GALNTL6: variants seen among roughly 807,000 people sequenced by gnomAD.
GALNTL6 encodes polypeptide N-acetylgalactosaminyltransferase-like 6.
GALNTL6 carries 46 observed loss-of-function variants against 73.7 expected under a neutral mutation model. The ratio of observed to expected loss-of-function variants is 0.62; its 90% CI spans 0.49 to 0.80. The LOEUF (loss-of-function observed/expected upper bound fraction) is 0.80. GALNTL6 is among the 30% of genes least tolerant of loss of function. The pLI is 0.00. For missense variants in GALNTL6, 604 were observed against 755.0 expected, an observed-to-expected ratio of 0.80 and a Z score of 2.34; for synonymous variants, 259 against 263.7, an observed-to-expected ratio of 0.98 and a Z score of 0.17.
At chr4:172,606,556 T>C (rs577029560) in intron 5 of GALNTL6, among the ~76,000 whole-genome samples, 5 of 130,236 alleles carry the variant, frequency 3.8e-5, no homozygotes, top group African/African-American at 1.3e-4. Flanking sequence ...AGTGTATATA[T>C]ATATATATAC....
chr4:171,827,698 T>G (rs1734860880), intron 2 of GALNTL6, among the ~76,000 whole-genome samples: 1 of 152,172 alleles, frequency 6.6e-6, no homozygotes, highest in South Asian at 2.1e-4. Flanking sequence ...TTATCTTATC[T>G]TATCTAAAGG....
intron 3 of GALNTL6, among the ~76,000 whole-genome samples, chr4:172,239,647 T>C (rs955762042): frequency 6.6e-6 from 1 of 152,214 alleles, no homozygotes; most frequent in Admixed American, 6.5e-5. Context: ...GGTTTGCTTT[T>C]GTTTTTCTAT....
At chr4:172,423,874 A>G (rs1454378930) in intron 5 of GALNTL6, among the ~76,000 whole-genome samples, 3 of 152,092 alleles carry the variant, frequency 2.0e-5, no homozygotes, top group Admixed American at 1.3e-4. Context: ...TCTTACAATT[A>G]TAAAAAGCAA....
At chr4:172,276,481 T>C (rs1432612807) in intron 3 of GALNTL6, among the ~76,000 whole-genome samples, 1 of 152,240 alleles carries the variant, frequency 6.6e-6, no homozygotes, top group Non-Finnish European at 1.5e-5. Context: ...TTAACATTCA[T>C]CAATGATATG....
intron 2 of GALNTL6, among the ~76,000 whole-genome samples, chr4:171,915,032 A>T (rs1049827249): frequency 6.6e-6 from 1 of 152,118 alleles, no homozygotes; most frequent in Non-Finnish European, 1.5e-5. Flanking sequence ...TTTGTTATAA[A>T]GGGAATATGG....
intron 5 of GALNTL6, among the ~76,000 whole-genome samples, chr4:172,764,511 AATG>A (rs1160381519): frequency 1.3e-5 from 2 of 152,002 alleles, no homozygotes; most frequent in African/African-American, 4.8e-5. Context: ...TAAATATAAG[AATG>A]ATGAAATAAA....
intron 5 of GALNTL6, among the ~76,000 whole-genome samples, chr4:172,738,624 A>T (rs149875409): frequency 6.6e-6 from 1 of 152,196 alleles, no homozygotes; most frequent in Non-Finnish European, 1.5e-5. Flanking sequence ...CAAACTCTGT[A>T]AAATATTTGA....
intron 10 of GALNTL6, among the ~76,000 whole-genome samples, chr4:173,004,500 A>T (rs1257811507): frequency 6.6e-6 from 1 of 152,018 alleles, no homozygotes; most frequent in Non-Finnish European, 1.5e-5. Context: ...GTGGTGCATG[A>T]TTGTAATCCC....
Position 171,928,829 on chromosome 4 carries a change from C to G in GALNTL6, c.138+114111C>G, listed in dbSNP as rs561828859. Among the ~76,000 whole-genome samples the G allele has an allele frequency of 4.6e-5, 7 of 152,264 alleles. No individual in the cohort carries two copies. In the East Asian group the frequency reaches 1.2e-3, roughly 25 times the overall value. The stretch of plus-strand genomic sequence containing the variant: ...TATACCACAGAGCCTAGGTGTGTAG[C>G]AGGCTGCACATCTATACCATCTGGG... On this transcript the variant is annotated intron_variant, in intron 2 of 12. Transcript: ENST00000506823.
chr4:171,842,386 A>T (rs1735259983), intron 2 of GALNTL6, among the ~76,000 whole-genome samples: 1 of 152,162 alleles, frequency 6.6e-6, no homozygotes. Context: ...CTCAAAGTAG[A>T]CACAAAAAAT....
At chr4:172,609,413 G>A (rs1738428735) in intron 5 of GALNTL6, among the ~76,000 whole-genome samples, 1 of 151,982 alleles carries the variant, frequency 6.6e-6, no homozygotes, top group Non-Finnish European at 1.5e-5. Flanking sequence ...TGTGGTTTTG[G>A]TTTTAGTTTT....
chr4:171,914,134 C>T (rs988929686), intron 2 of GALNTL6, among the ~76,000 whole-genome samples: 1 of 152,086 alleles, frequency 6.6e-6, no homozygotes, highest in Non-Finnish European at 1.5e-5. Context: ...GAGCAGAGGA[C>T]TGTAAAGGTC....
At chr4:172,578,972 G>A (rs1737062275) in intron 5 of GALNTL6, among the ~76,000 whole-genome samples, 1 of 152,180 alleles carries the variant, frequency 6.6e-6, no homozygotes, top group Non-Finnish European at 1.5e-5. Context: ...TCATCAGGGA[G>A]GCTGCTGCTG....
chr4:172,806,110 ACTGATGATAC>A (rs1178765169), intron 5 of GALNTL6, among the ~76,000 whole-genome samples: 1 of 152,190 alleles, frequency 6.6e-6, no homozygotes, highest in Non-Finnish European at 1.5e-5. Flanking sequence ...TGCTAATTAG[ACTGATGATAC>A]CTGCCTTCAT....
chr4:172,074,574 A>C (rs897653519), intron 2 of GALNTL6, among the ~76,000 whole-genome samples: 1 of 152,066 alleles, frequency 6.6e-6, no homozygotes, highest in Admixed American at 6.6e-5. Context: ...CATTGGTTAC[A>C]GATGGTCATA....
rs143180209 is a variant in GALNTL6, at chr4:171,821,145, C to T, written c.138+6427C>T. Among the ~76,000 whole-genome samples, 4 of 152,230 alleles carry T rather than the reference C, an allele frequency of 2.6e-5. No homozygotes were observed. In the East Asian group the frequency reaches 7.7e-4, roughly 29 times the overall value. ...CAGTCTCCTGGGCTCAAGCAGTCCT[C>T]CTGCCTCAGCCTTCCAAGTAGCTGG... is the stretch of plus-strand genomic sequence containing the variant. On this transcript the variant is annotated intron_variant, in intron 2 of 12. Coordinates refer to ENST00000506823, the MANE Select transcript of GALNTL6 (RefSeq NM_001034845.3).
At chr4:172,787,025 C>T (rs1371484997) in intron 5 of GALNTL6, among the ~76,000 whole-genome samples, 2 of 152,128 alleles carry the variant, frequency 1.3e-5, no homozygotes, top group Admixed American at 1.3e-4. Flanking sequence ...ACTTTCTATT[C>T]TAGGCTGCAG....
At chr4:172,743,114 G>A (rs1736896185) in intron 5 of GALNTL6, among the ~76,000 whole-genome samples, 1 of 152,030 alleles carries the variant, frequency 6.6e-6, no homozygotes, top group Admixed American at 6.6e-5. Flanking sequence ...TATGAAAAGA[G>A]CCTATTGCTT....
At chr4:172,893,130 G>A (rs566721850) in intron 8 of GALNTL6, among the ~76,000 whole-genome samples, 1 of 152,306 alleles carries the variant, frequency 6.6e-6, no homozygotes, top group African/African-American at 2.4e-5. Context: ...TCTGCCCCAG[G>A]AGTGGGCCTG....
Sources: allele counts gnomAD v4.1 joint callset (sites outside exome capture counted in the v4.1 genomes callset), GRCh38; gene constraint gnomAD v4.1.1; transcripts MANE v1.5; gene names NCBI Gene and HGNC (gene_info 2026-07-23, HGNC 2026-07-21).